CAPN3: variants seen among roughly 807,000 people sequenced by gnomAD.
CAPN3 encodes calpain 3.
In CAPN3, 88 loss-of-function variants were observed where a neutral mutation model predicts 114.0. The ratio of observed to expected loss-of-function variants is 0.77; its 90% CI spans 0.65 to 0.92. CAPN3 has a LOEUF of 0.92. Among genes scored for constraint, CAPN3 ranks in the 40% least tolerant of loss-of-function variants. CAPN3 has a pLI of 0.00. For missense variants in CAPN3, 1,028 were observed against 1,069.0 expected, an observed-to-expected ratio of 0.96 and a Z score of 0.53; for synonymous variants, 386 against 382.9, an observed-to-expected ratio of 1.01 and a Z score of -0.09.
rs1317037546 is a variant in CAPN3, at chr15:42,393,053, CAGAT to C, written c.1029+334_1029+337del. Among the ~76,000 whole-genome samples, 17 of 152,326 alleles carry C rather than the reference CAGAT, an allele frequency of 1.1e-4. No homozygotes were observed. In the East Asian group the frequency reaches 2.3e-3, roughly 21 times the overall value. On this transcript the variant is annotated intron_variant, in intron 7 of 23. Transcript: ENST00000397163. ...CTTGAGCTTCCTGTTCTCTCGTGTT[CAGAT>C]AGCTACAGTTGTCTCTGGGTAGCCA...
chr15:42,412,079 G>A lies in CAPN3; in HGVS notation c.*306G>A. 6.5e-7 allele frequency: 1 copy of A among 1,534,216 alleles called. No homozygotes were observed. Among genetic ancestry groups the A allele is most frequent in the Non-Finnish European group, 8.7e-7 (1 of 1,146,224 alleles). On this transcript the variant is annotated 3_prime_UTR_variant, in exon 24 of 24. Coordinates refer to ENST00000397163, the MANE Select transcript of CAPN3 (RefSeq NM_000070.3). ...TGAAGCGAGTGCTCCTGCTTACCTT[G>A]CTCTAGGCTGTCTGCAGAAGCACCT...
chr15:42,371,475 T>C (rs1037007815), intron 1 of CAPN3, among the ~76,000 whole-genome samples: 6 of 152,242 alleles, frequency 3.9e-5, no homozygotes, highest in Non-Finnish European at 7.3e-5. Context: ...TGTACACTTG[T>C]CTGTTCCTTG....
At chr15:42,402,479 AG>A in intron 12 of CAPN3, 1 of 1,427,754 alleles carries the variant, frequency 7.0e-7, no homozygotes, top group South Asian at 1.5e-5. Flanking sequence ...CACTTCCCTC[AG>A]AACCCAGCCA....
intron 4 of CAPN3, 139 bp from the exon 5 acceptor site, chr15:42,388,789 C>T (rs2053472829): frequency 1.2e-6 from 1 of 803,930 alleles, no homozygotes; most frequent in Non-Finnish European, 2.2e-6. Flanking sequence ...TGTTTCCATC[C>T]CATGAGCTCA....
rs2052593169 is a variant in CAPN3, at chr15:42,359,894, A to G, written c.89A>G (p.Lys30Arg). The G allele has an allele frequency of 6.2e-7, 1 of 1,614,248 alleles. No individual in the cohort carries two copies. The highest frequency in any genetic ancestry group is 8.5e-7 in the Non-Finnish European group (1 of 1,180,040). ...CCAGTTCCTCACCCGGCCCAGAGCA[A>G]GGCCACTGAGGCTGGGGGTGGAAAC... ...PGPVPHPAQS[K>R]ATEAGGGNPS... Residue 30 changes from lysine (K) to arginine (R), a missense_variant, in exon 1 of 24, where the codon AAG (lysine) becomes AGG (arginine). Physicochemically the swap from Lys to Arg is conservative, Grantham distance 26. Transcript: ENST00000397163.
At chr15:42,388,898 C>T (rs748142300) in intron 4 of CAPN3, 30 bp from the exon 5 acceptor site, 1 of 1,611,486 alleles carries the variant, frequency 6.2e-7, no homozygotes, top group Non-Finnish European at 8.5e-7. Flanking sequence ...AACTCTGTGA[C>T]CCCAAATTGG....
chr15:42,374,576 A>G (rs80240204), intron 1 of CAPN3: 8,003 of 152,126 alleles, frequency 0.053, 651 homozygotes, highest in African/African-American at 0.17. Flanking sequence ...CTCTTGGGGA[A>G]CAAGAAGCCA....
At chr15:42,408,368 G>C (rs1566983940) in intron 16 of CAPN3, 44 bp downstream of exon 16, 2 of 1,245,190 alleles carry the variant, frequency 1.6e-6, no homozygotes, top group Non-Finnish European at 1.2e-6. Flanking sequence ...GCACGCTACA[G>C]GGGCTTCCTA....
intron 6 of CAPN3, among the ~76,000 whole-genome samples, chr15:42,390,791 T>TTTG (rs1395780257): frequency 1.2e-4 from 15 of 127,668 alleles, no homozygotes; most frequent in African/African-American, 4.9e-4. Context: ...TGTTTTTTTG[T>TTTG]TTTTTTTTTT....
chr15:42,394,171 C>A (rs2053630323), intron 7 of CAPN3, 85 bp from the exon 8 acceptor site: 1 of 1,274,266 alleles, frequency 7.8e-7, no homozygotes, highest in Non-Finnish European at 1.1e-6. Flanking sequence ...ATTTGCCCCC[C>A]AGCCCCGTCC....
At chr15:42,364,501 T>C (rs113168375) in intron 1 of CAPN3, among the ~76,000 whole-genome samples, 8,000 of 152,308 alleles carry the variant, frequency 0.053, 649 homozygotes, top group African/African-American at 0.17. Context: ...AGATATTAGC[T>C]ACAGCAATGT....
chr15:42,408,930 C>CCTCAGAGGA, intron 16 of CAPN3: 1 of 322,794 alleles, frequency 3.1e-6, no homozygotes, highest in Non-Finnish European at 6.0e-6. Flanking sequence ...GAGGACTTGG[C>CCTCAGAGGA]CTTGATGACA....
At chr15:42,380,879 C>T (rs191297715) in intron 1 of CAPN3, among the ~76,000 whole-genome samples, 12 of 150,358 alleles carry the variant, frequency 8.0e-5, no homozygotes, top group African/African-American at 4.9e-5. Flanking sequence ...GTGTGAACCA[C>T]GGCACCCGGC....
intron 14 of CAPN3, chr15:42,405,105 T>A (rs1443230007): frequency 3.9e-6 from 3 of 761,932 alleles, no homozygotes; most frequent in Non-Finnish European, 4.8e-6. Flanking sequence ...GCAGGGCCCT[T>A]GGCTCAGCTG....
In CAPN3 at chr15:42,409,285, T is replaced by G. The variant is rs2141219628; in HGVS notation, c.1915-18T>G. On this transcript the variant is annotated intron_variant, in intron 16 of 23. Transcript: ENST00000397163. ...ACCTCTGACCCCTGTGAACCAGTTT[T>G]CCTTTGTGCCTCCACAGCCACAGCC... 1 of 1,613,710 alleles carries G rather than the reference T, an allele frequency of 6.2e-7. No homozygotes were observed. Among genetic ancestry groups the G allele is most frequent in the Non-Finnish European group, 8.5e-7 (1 of 1,179,680 alleles).
chr15:42,383,879 G>T (rs2053313087), intron 1 of CAPN3, among the ~76,000 whole-genome samples: 1 of 151,618 alleles, frequency 6.6e-6, no homozygotes, highest in Admixed American at 6.6e-5. Flanking sequence ...AGCCGACACT[G>T]CCCTAACTCT....
Position 42,383,820 on chromosome 15 carries a change from G to A in CAPN3, c.310-663G>A, listed in dbSNP as rs1189097091. 5.9e-5 allele frequency among the ~76,000 whole-genome samples: 9 copies of A among 151,542 alleles called. No individual in the cohort carries two copies. In the East Asian group the frequency reaches 8.0e-4, roughly 13 times the overall value. On this transcript the variant is annotated intron_variant, in intron 1 of 23. Coordinates refer to ENST00000397163, the MANE Select transcript of CAPN3 (RefSeq NM_000070.3). The stretch of plus-strand genomic sequence containing the variant: ...ACTCCTGACCTCAAGTGATCCACCC[G>A]CCTTGGCCTCCCAAAGTGCTGAGAT...
At chr15:42,361,361 A>G (rs2052638269) in intron 1 of CAPN3, among the ~76,000 whole-genome samples, 1 of 152,030 alleles carries the variant, frequency 6.6e-6, no homozygotes, top group Non-Finnish European at 1.5e-5. Context: ...GGTCCTAGCT[A>G]CTCAGAGGCT....
At chr15:42,383,902 T>C (rs932843784) in intron 1 of CAPN3, among the ~76,000 whole-genome samples, 1 of 151,874 alleles carries the variant, frequency 6.6e-6, no homozygotes, top group Non-Finnish European at 1.5e-5. Flanking sequence ...AGTTGCATCC[T>C]TACTCGAATA....
Sources: gnomAD v4.1 joint callset for allele counts (sites outside exome capture counted in the v4.1 genomes callset) on GRCh38, gnomAD v4.1.1 for gene constraint, MANE v1.5 for transcripts, NCBI Gene and HGNC (gene_info 2026-07-23, HGNC 2026-07-21) for gene names.